GSDMC: variants seen among roughly 807,000 people sequenced by gnomAD.
GSDMC encodes gasdermin C.
In GSDMC, 59 loss-of-function variants were observed where a neutral mutation model predicts 58.0. The observed-to-expected ratio is 1.02, with a 90% CI of 0.82 to 1.26. The LOEUF (loss-of-function observed/expected upper bound fraction) is 1.26. Among genes scored for constraint, GSDMC ranks in the 50% most tolerant of loss-of-function variants. The pLI is 0.00. For missense variants in GSDMC, 659 were observed against 598.5 expected (o/e 1.10, Z -1.06); for synonymous variants, 241 against 220.2 (o/e 1.09, Z -0.83).
downstream of GSDMC, among the ~76,000 whole-genome samples, chr8:129,747,614 G>A (rs904563258): frequency 1.3e-5 from 2 of 152,186 alleles, no homozygotes; most frequent in Non-Finnish European, 2.9e-5. Context: ...ATTTTAGGCA[G>A]AGGAGTGACA....
intron 6 of GSDMC, among the ~76,000 whole-genome samples, chr8:129,755,185 G>A (rs116437371): frequency 6.6e-6 from 1 of 152,082 alleles, no homozygotes. Context: ...AACTCTCAAA[G>A]ATCAAGGATA....
chr8:129,750,219 G>A (rs2033127256), intron 11 of GSDMC, 100 bp from the exon 12 acceptor site: 2 of 1,095,156 alleles, frequency 1.8e-6, no homozygotes, highest in Admixed American at 2.9e-5. Flanking sequence ...TAGGCATGAG[G>A]GTTCTCTACC....
intron 3 of GSDMC, among the ~76,000 whole-genome samples, chr8:129,769,757 G>A (rs932708153): frequency 6.6e-6 from 1 of 151,968 alleles, no homozygotes; most frequent in Admixed American, 6.6e-5. Context: ...GTTTTGGAGG[G>A]GACATTCAAA....
intron 1 of GSDMC, among the ~76,000 whole-genome samples, chr8:129,782,782 AAAG>A (rs1385080417): frequency 1.3e-5 from 2 of 151,334 alleles, no homozygotes; most frequent in South Asian, 2.1e-4. Context: ...CCAAACATTT[AAAG>A]AAGAACTAAT....
At chr8:129,770,103 T>C (rs1328155152) in intron 3 of GSDMC, among the ~76,000 whole-genome samples, 1 of 152,196 alleles carries the variant, frequency 6.6e-6, no homozygotes, top group Non-Finnish European at 1.5e-5. Context: ...AGATATACAA[T>C]ATAAAAATAT....
intron 4 of GSDMC, among the ~76,000 whole-genome samples, chr8:129,764,910 T>C (rs912397716): frequency 6.6e-6 from 1 of 152,204 alleles, no homozygotes; most frequent in African/African-American, 2.4e-5. Flanking sequence ...CTATTCCTGC[T>C]TTCCAGGGTC....
At chr8:129,736,345 A>G in the GSDMC span, among the ~76,000 whole-genome samples, 2 of 152,216 alleles carry the variant, frequency 1.3e-5, no homozygotes, top group African/African-American at 4.8e-5. Context: ...AAAAAAGAGA[A>G]TTTTAGACCA....
the GSDMC span, among the ~76,000 whole-genome samples, chr8:129,740,388 T>G: frequency 6.6e-6 from 1 of 152,312 alleles, no homozygotes; most frequent in East Asian, 1.9e-4. Context: ...CATAGTAAGC[T>G]ATTTCTGCAA....
the GSDMC span, among the ~76,000 whole-genome samples, chr8:129,715,480 G>T: frequency 6.6e-6 from 1 of 152,096 alleles, no homozygotes; most frequent in African/African-American, 2.4e-5. Flanking sequence ...CAAATTTGAT[G>T]AAATCAGTAA....
chr8:129,734,790 A>G, the GSDMC span, among the ~76,000 whole-genome samples: 3 of 152,220 alleles, frequency 2.0e-5, no homozygotes, highest in African/African-American at 7.2e-5. Context: ...TCATAATGAC[A>G]GGATCAAATT....
chr8:129,713,405 G>A, the GSDMC span, among the ~76,000 whole-genome samples: 2 of 86,054 alleles, frequency 2.3e-5, no homozygotes, highest in African/African-American at 1.2e-4. Flanking sequence ...TGTGGCCTCA[G>A]TGAAAGGGAG....
rs2034219737 is a variant in GSDMC, at chr8:129,776,207, C to A, written c.299G>T (p.Gly100Val). Residue 100 changes from glycine (G) to valine (V), a missense_variant, in exon 3 of 14, where the codon GGT becomes GTT. Transcript: ENST00000276708. ...CTCCCCTGACACACTCACTTCTATA[C>A]CAACATTCACACCCATGTCAGCCTT... ...KHKADMGVNV[G>V]IEVSVSGEAS... 6 of 1,613,728 alleles carry A rather than the reference C, an allele frequency of 3.7e-6. No individual in the cohort carries two copies. Among genetic ancestry groups the A allele is most frequent in the Non-Finnish European group, 5.1e-6 (6 of 1,179,646 alleles).
chr8:129,759,181 C>T (rs558431207), intron 6 of GSDMC, among the ~76,000 whole-genome samples: 1 of 152,160 alleles, frequency 6.6e-6, no homozygotes, highest in Admixed American at 6.5e-5. Flanking sequence ...AAAACTAGAC[C>T]CCTATCTCTT....
the GSDMC span, among the ~76,000 whole-genome samples, chr8:129,716,136 T>C: frequency 6.6e-6 from 1 of 152,160 alleles, no homozygotes; most frequent in African/African-American, 2.4e-5. Flanking sequence ...AGTGGCAAGA[T>C]GATAGACTTA....
the GSDMC span, chr8:129,729,719 A>G: frequency 3.7e-6 from 2 of 545,040 alleles, no homozygotes; most frequent in Non-Finnish European, 6.5e-6. Flanking sequence ...ATTGATGGAC[A>G]TTTGGGTTGG....
At chr8:129,715,557 T>C in the GSDMC span, among the ~76,000 whole-genome samples, 1 of 152,148 alleles carries the variant, frequency 6.6e-6, no homozygotes, top group African/African-American at 2.4e-5. Flanking sequence ...AACCTAGAAT[T>C]CTATGCCTAC....
chr8:129,734,327 C>T, the GSDMC span, among the ~76,000 whole-genome samples: 1 of 152,094 alleles, frequency 6.6e-6, no homozygotes, highest in East Asian at 1.9e-4. Context: ...ACAGAGAACA[C>T]CACAAAGATA....
the GSDMC span, among the ~76,000 whole-genome samples, chr8:129,724,013 CT>C: frequency 1.3e-5 from 2 of 152,192 alleles, no homozygotes; most frequent in East Asian, 3.9e-4. Context: ...CTTTTGCATC[CT>C]AAAGCAATCA....
At chr8:129,779,463 T>G (rs1039910549) in intron 1 of GSDMC, among the ~76,000 whole-genome samples, 2 of 152,002 alleles carry the variant, frequency 1.3e-5, no homozygotes, top group Non-Finnish European at 2.9e-5. Context: ...AGGTAGAGCA[T>G]GGAGGGTGGG....
Sources: gnomAD v4.1 joint callset for allele counts (sites outside exome capture counted in the v4.1 genomes callset) on GRCh38, gnomAD v4.1.1 for gene constraint, MANE v1.5 for transcripts, NCBI Gene and HGNC (gene_info 2026-07-23, HGNC 2026-07-21) for gene names.